Variants in LRRC37A observed in about 807,000 individuals in gnomAD.
LRRC37A encodes leucine-rich repeat-containing protein 37A.
LRRC37A carries 3 observed loss-of-function variants against 35.4 expected under a neutral mutation model. The ratio of observed to expected loss-of-function variants is 0.08; its 90% CI spans 0.04 to 0.22. The LOEUF is 0.22. Among genes scored for constraint, LRRC37A ranks in the 10% least tolerant of loss-of-function variants. The probability of loss-of-function intolerance (pLI) is 1.00; values close to 1 mark genes in which losing one functional copy is unlikely to be tolerated. For synonymous variants in LRRC37A, 23 were observed against 215.0 expected (o/e 0.11, Z 7.81); for missense variants, 67 against 565.3 (o/e 0.12, Z 8.94).
chr17:46,269,259 C>T, the LRRC37A span, among the ~76,000 whole-genome samples: 2 of 152,210 alleles, frequency 1.3e-5, no homozygotes, highest in Admixed American at 6.5e-5. Flanking sequence ...CCAAGCCGGG[C>T]GCGGTGGCTC....
chr17:46,279,797 C>T, the LRRC37A span, among the ~76,000 whole-genome samples: 2 of 152,224 alleles, frequency 1.3e-5, no homozygotes, highest in African/African-American at 4.8e-5. Context: ...TCCCAGCCAA[C>T]AGGCCCTCCT....
chr17:46,285,909 C>T, the LRRC37A span, among the ~76,000 whole-genome samples: 22 of 152,344 alleles, frequency 1.4e-4, no homozygotes, highest in East Asian at 9.6e-4. Flanking sequence ...CTGTAAGGAA[C>T]GGAGCACCCT....
chr17:46,260,854 C>T, the LRRC37A span, among the ~76,000 whole-genome samples: 1 of 152,156 alleles, frequency 6.6e-6, no homozygotes, highest in African/African-American at 2.4e-5. Context: ...AACTCCCGAC[C>T]TCAGGTGATC....
the LRRC37A span, among the ~76,000 whole-genome samples, chr17:46,285,457 G>T: frequency 6.6e-6 from 1 of 151,848 alleles, no homozygotes; most frequent in African/African-American, 2.4e-5. Flanking sequence ...GGCCAGTCTG[G>T]TCTCAAACTC....
chr17:46,266,144 A>T, the LRRC37A span, among the ~76,000 whole-genome samples: 1 of 152,320 alleles, frequency 6.6e-6, no homozygotes, highest in East Asian at 1.9e-4. Flanking sequence ...ATTCTCTGTC[A>T]TCTGGAATCT....
chr17:46,281,143 A>G, the LRRC37A span, among the ~76,000 whole-genome samples: 1 of 152,066 alleles, frequency 6.6e-6, no homozygotes, highest in Non-Finnish European at 1.5e-5. Flanking sequence ...TAATGTTTGG[A>G]AATTTTATAG....
intron 5 of LRRC37A, among the ~76,000 whole-genome samples, chr17:46,309,247 C>T (rs1444396694): frequency 8.2e-5 from 3 of 36,378 alleles, no homozygotes; most frequent in Admixed American, 6.8e-4. Context: ...AAGGACCAGG[C>T]GGCTAACTAT....
chr17:46,253,421 C>G, the LRRC37A span, among the ~76,000 whole-genome samples: 45 of 151,998 alleles, frequency 3.0e-4, no homozygotes, highest in African/African-American at 9.6e-4. Flanking sequence ...AGGTTGTAGC[C>G]AGCCGAGATC....
the LRRC37A span, among the ~76,000 whole-genome samples, chr17:46,248,364 A>G: frequency 2.0e-5 from 3 of 152,112 alleles, no homozygotes; most frequent in South Asian, 4.1e-4. Flanking sequence ...TGTCGCCTCA[A>G]AAAGGTCCCT....
chr17:46,283,971 G>T, the LRRC37A span, among the ~76,000 whole-genome samples: 21,721 of 150,336 alleles, frequency 0.14, 1,950 homozygotes, highest in Non-Finnish European at 0.22. Context: ...AAAGCAGTAT[G>T]GCTGCCCGCG....
At chr17:46,257,422 T>TA in the LRRC37A span, among the ~76,000 whole-genome samples, 1 of 140,128 alleles carries the variant, frequency 7.1e-6, no homozygotes, top group Non-Finnish European at 1.5e-5. Flanking sequence ...CACTGCACTC[T>TA]AGCCCAGGCA....
At chr17:46,274,890 T>C in the LRRC37A span, 1 of 152,718 alleles carries the variant, frequency 6.5e-6, no homozygotes, top group Non-Finnish European at 1.5e-5. Context: ...TCTTTTTCTT[T>C]TCTTCCTTTT....
At chr17:46,268,477 A>G in the LRRC37A span, 1 of 1,329,144 alleles carries the variant, frequency 7.5e-7, no homozygotes, top group Middle Eastern at 2.8e-4. Context: ...AGACGCTATG[A>G]ATTAATGTTC....
upstream of LRRC37A, among the ~76,000 whole-genome samples, chr17:46,291,985 A>AAAAAAAAAAAAAGAAAAAAAAC (rs1360524355): frequency 1.3e-5 from 1 of 76,592 alleles, no homozygotes; most frequent in Non-Finnish European, 2.8e-5. Flanking sequence ...AAAAAAAAAA[A>AAAAAAAAAAAAAGAAAAAAAAC]AAGCCAATAA....
chr17:46,284,340 A>G, the LRRC37A span, among the ~76,000 whole-genome samples: 2 of 152,236 alleles, frequency 1.3e-5, no homozygotes, highest in Non-Finnish European at 2.9e-5. Context: ...ATGACTCTTA[A>G]GGAGCATGCT....
the LRRC37A span, among the ~76,000 whole-genome samples, chr17:46,284,783 G>A: frequency 3.3e-5 from 5 of 152,248 alleles, no homozygotes; most frequent in African/African-American, 1.2e-4. Context: ...CACACATTGA[G>A]ACTACGATTC....
chr17:46,280,093 C>G, the LRRC37A span, among the ~76,000 whole-genome samples: 2 of 152,230 alleles, frequency 1.3e-5, no homozygotes. Flanking sequence ...AAATGTCTGG[C>G]CAGGCGCGGT....
In LRRC37A at chr17:46,324,887, T is replaced by C. The variant is rs1389375155; in HGVS notation, c.3053+1860T>C. ...ATGTACGTGTATATATGTATATGTA[T>C]GCCTGCAGGGCCCTATTGTGAGTTT... On this transcript the variant is annotated intron_variant, in intron 7 of 13. Transcript: ENST00000320254. Among the ~76,000 whole-genome samples, 2 of 76,396 alleles carry C rather than the reference T, an allele frequency of 2.6e-5. 1 individual carries two copies. The highest frequency in any genetic ancestry group is 7.7e-5 in the Non-Finnish European group (2 of 25,906). The allele number at this position is 76,396 out of a possible 152,430, so 50.1% of individuals were successfully genotyped here.
chr17:46,253,736 G>C, the LRRC37A span, among the ~76,000 whole-genome samples: 2 of 150,700 alleles, frequency 1.3e-5, no homozygotes, highest in East Asian at 3.9e-4. Flanking sequence ...TGGAAAGAGA[G>C]GGAGAGGGAG....
Sources: allele counts gnomAD v4.1 joint callset (sites outside exome capture counted in the v4.1 genomes callset), GRCh38; gene constraint gnomAD v4.1.1; transcripts MANE v1.5; gene names NCBI Gene and HGNC (gene_info 2026-07-23, HGNC 2026-07-21).